The following CHST10 variants were observed in gnomAD, a reference collection of about 807,000 sequenced individuals.
CHST10 encodes the protein carbohydrate sulfotransferase 10.
CHST10 carries 24 observed loss-of-function variants against 34.7 expected under a neutral mutation model. That is an observed-to-expected ratio of 0.69 (90% CI 0.50 to 0.97). The LOEUF is 0.97. CHST10 is among the 50% of genes least tolerant of loss of function. The pLI is 0.00. For synonymous variants in CHST10, 161 were observed against 169.3 expected (o/e 0.95, Z 0.38); for missense variants, 402 against 452.1 (o/e 0.89, Z 1.00).
chr2:100,396,960 T>C (rs1005880525), intron 5 of CHST10, among the ~76,000 whole-genome samples: 4 of 152,204 alleles, frequency 2.6e-5, no homozygotes, highest in Non-Finnish European at 4.4e-5. Flanking sequence ...ACATTAATTA[T>C]ATGTGACAAC....
chr2:100,417,294 C>T (rs4851314), intron 1 of CHST10, 80 bp downstream of exon 1: 320,895 of 341,864 alleles, frequency 0.94, 150,818 homozygotes, highest in East Asian at 1. Flanking sequence ...CCGCGGGTTC[C>T]CCGGTTTTTC....
chr2:100,406,119 T>C (rs1675561179), intron 3 of CHST10, among the ~76,000 whole-genome samples: 1 of 152,136 alleles, frequency 6.6e-6, no homozygotes, highest in Non-Finnish European at 1.5e-5. Context: ...AAGACATACA[T>C]TTAAATGACC....
Position 100,414,383 on chromosome 2 carries a change from A to C in CHST10, c.-33+658T>G, listed in dbSNP as rs140906661. Among the ~76,000 whole-genome samples, 59 of 149,624 alleles carry C rather than the reference A, an allele frequency of 3.9e-4. 1 individual carries two copies. Among genetic ancestry groups the C allele is most frequent in the South Asian group, 8.5e-4 (4 of 4,680 alleles). On this transcript the variant is annotated intron_variant, in intron 2 of 6. Transcript: ENST00000264249. Reference sequence around the variant, plus strand: ...AACTTCACACACACACACACACACAAAAACCTGGTAATGTACAAGGAACTG... The same window carrying C: ...AACTTCACACACACACACACACACACAAACCTGGTAATGTACAAGGAACTG...
At chr2:100,399,501 T>C (rs1200804741) in intron 4 of CHST10, among the ~76,000 whole-genome samples, 1 of 152,234 alleles carries the variant, frequency 6.6e-6, no homozygotes, top group African/African-American at 2.4e-5. Flanking sequence ...ATCCTTGTTA[T>C]ATCTTTTAAA....
At chr2:100,397,857 C>T (rs1173298683) in intron 5 of CHST10, 51 bp downstream of exon 5, 13 of 1,465,146 alleles carry the variant, frequency 8.9e-6, no homozygotes, top group Admixed American at 1.8e-5. Context: ...GCCTCCTCAG[C>T]ACCGGCCACC....
intron 1 of CHST10, chr2:100,416,786 CA>C (rs1382160339): frequency 4.9e-5 from 19 of 385,006 alleles, no homozygotes; most frequent in Non-Finnish European, 9.1e-5. Context: ...ATTCACTGCC[CA>C]ACCCTTTCCT....
intron 4 of CHST10, 63 bp from the exon 5 acceptor site, chr2:100,398,205 C>A: frequency 8.5e-7 from 1 of 1,179,018 alleles, no homozygotes; most frequent in Non-Finnish European, 1.2e-6. Context: ...CCGGGCCAAG[C>A]AGAGCCGCTC....
chr2:100,398,752 C>A, intron 4 of CHST10, among the ~76,000 whole-genome samples: 1 of 152,118 alleles, frequency 6.6e-6, no homozygotes, highest in East Asian at 1.9e-4. Flanking sequence ...AGTTTGGAAT[C>A]CTCTAGCTAG....
rs779364407 is a variant in CHST10 at position 100,392,286 on chromosome 2, T to C, written c.*959A>G. ...TAAACTACACTGAATTCTGTGATGCTGGCAGGTTGCCCCTGCTCGTCTTCA... is the reference window on the plus strand; with the variant it reads ...TAAACTACACTGAATTCTGTGATGCCGGCAGGTTGCCCCTGCTCGTCTTCA... On this transcript the variant is annotated 3_prime_UTR_variant, in exon 7 of 7. Coordinates refer to ENST00000264249, the MANE Select transcript of CHST10 (RefSeq NM_004854.5). 11 of 152,640 alleles carry C rather than the reference T, an allele frequency of 7.2e-5. No individual in the cohort carries two copies. The highest frequency in any genetic ancestry group is 2.4e-5 in the African/African-American group (1 of 41,456). 9.5% of individuals were successfully genotyped at this position (152,640 alleles called of 1,614,324 possible). A position where few individuals can be genotyped will look rare whatever the true frequency, so the allele number is the denominator to read the frequency against.
intron 1 of CHST10, chr2:100,416,840 T>C: frequency 1.7e-6 from 1 of 600,356 alleles, no homozygotes; most frequent in Non-Finnish European, 2.7e-6. Flanking sequence ...TTGGAAAACC[T>C]GGTTCACCTT....
At chr2:100,407,471 CA>C (rs1675630734) in intron 2 of CHST10, among the ~76,000 whole-genome samples, 1 of 152,158 alleles carries the variant, frequency 6.6e-6, no homozygotes, top group Non-Finnish European at 1.5e-5. Context: ...TTCTTCAAGC[CA>C]AAGCTCTCCA....
At chr2:100,407,232 A>G (rs887102135) in intron 2 of CHST10, among the ~76,000 whole-genome samples, 2 of 152,198 alleles carry the variant, frequency 1.3e-5, no homozygotes, top group African/African-American at 4.8e-5. Context: ...AGGAATGAAC[A>G]CTGACGCTTC....
chr2:100,411,979 T>G (rs1371525500), intron 2 of CHST10, among the ~76,000 whole-genome samples: 1 of 152,246 alleles, frequency 6.6e-6, no homozygotes, highest in East Asian at 1.9e-4. Context: ...CTGAGGCAGA[T>G]GCAGGCCAGA....
At position 100,395,522 on chromosome 2, in the gene CHST10, C is replaced by T; in HGVS notation, c.520G>A (p.Glu174Lys). 6.2e-7 allele frequency: 1 copy of T among 1,613,684 alleles called. No individual in the cohort carries two copies. The highest frequency in any genetic ancestry group is 8.5e-7 in the Non-Finnish European group (1 of 1,179,616). Residue 174 changes from glutamate to lysine, a missense_variant, in exon 6 of 7, where the codon GAA (glutamate) becomes AAA (lysine). Glu to Lys is a moderately conservative substitution (Grantham distance 56, BLOSUM62 1). Coordinates refer to ENST00000264249, the MANE Select transcript of CHST10 (RefSeq NM_004854.5). ...AGCTGTTCTCACCGCTTCTGAATTT[C>T]TGCATCACTGAAGGAAGAGAGCCGA... is the stretch of plus-strand genomic sequence containing the variant. ...LPRLSSFSDA[E>K]IQKRLKTYFK...
At chr2:100,406,209 A>G (rs1675565763) in intron 3 of CHST10, among the ~76,000 whole-genome samples, 1 of 152,194 alleles carries the variant, frequency 6.6e-6, no homozygotes, top group African/African-American at 2.4e-5. Flanking sequence ...TGCACCTCTC[A>G]TGATGACATG....
intron 5 of CHST10, among the ~76,000 whole-genome samples, chr2:100,396,480 G>T (rs973746059): frequency 6.6e-6 from 1 of 152,232 alleles, no homozygotes; most frequent in African/African-American, 2.4e-5. Context: ...GTAGGGTTAA[G>T]ATTGGAGTCC....
At chr2:100,399,156 T>A (rs1675217535) in intron 4 of CHST10, among the ~76,000 whole-genome samples, 1 of 150,898 alleles carries the variant, frequency 6.6e-6, no homozygotes, top group East Asian at 2.0e-4. Flanking sequence ...CAGGCTGGAG[T>A]GCAGTGGCAC....
chr2:100,395,418 G>C, intron 6 of CHST10, 91 bp downstream of exon 6: 1 of 1,136,712 alleles, frequency 8.8e-7, no homozygotes, highest in Non-Finnish European at 1.3e-6. Flanking sequence ...CGATCAATCT[G>C]CCAAGTACAG....
intron 1 of CHST10, chr2:100,415,921 C>T (rs182843642): frequency 1.3e-5 from 2 of 152,284 alleles, no homozygotes; most frequent in Admixed American, 6.5e-5. Flanking sequence ...CTATTGCTCC[C>T]GGGCTACTAA....
Sources: gnomAD v4.1 joint callset for allele counts (sites outside exome capture counted in the v4.1 genomes callset) on GRCh38, gnomAD v4.1.1 for gene constraint, MANE v1.5 for transcripts, NCBI Gene and HGNC (gene_info 2026-07-23, HGNC 2026-07-21) for gene names.